The following KMT2D variants were observed in gnomAD, a reference collection of about 807,000 sequenced individuals.
KMT2D encodes the protein lysine methyltransferase 2D, also known as histone-lysine N-methyltransferase 2D.
In KMT2D, 55 loss-of-function variants were observed where a neutral mutation model predicts 512.7. The ratio of observed to expected loss-of-function variants is 0.11; its 90% CI spans 0.09 to 0.13. The LOEUF (loss-of-function observed/expected upper bound fraction) is 0.13, where lower values mean the gene tolerates loss of function less well. Among genes scored for constraint, KMT2D ranks in the 10% least tolerant of loss-of-function variants. The probability of loss-of-function intolerance (pLI) is 1.00; values close to 1 mark genes in which losing one functional copy is unlikely to be tolerated. For synonymous variants in KMT2D, 2,995 were observed against 2,904.0 expected, an observed-to-expected ratio of 1.03 and a Z score of -1.01; for missense variants, 6,061 against 7,127.9, an observed-to-expected ratio of 0.85 and a Z score of 5.39.
rs776217418 is a variant in KMT2D, at chr12:49,055,344, G to C, written c.-20C>G. The C allele has an allele frequency of 1.1e-4, 174 of 1,612,630 alleles. No homozygotes were observed. The highest frequency in any genetic ancestry group is 1.4e-4 in the Non-Finnish European group (168 of 1,178,904). On this transcript the variant is annotated 5_prime_UTR_variant, in exon 2 of 55. Transcript: ENST00000301067. ...GTCCATCCCTCTCTCCGACTGGGCA[G>C]GGCCCTCTCGGGGAGACCTGTTGGT...
Position 49,053,609 on chromosome 12 carries a change from C to T in KMT2D, c.706G>A (p.Gly236Arg), listed in dbSNP as rs1362838443. 1 of 1,597,476 alleles carries T rather than the reference C, an allele frequency of 6.3e-7. No homozygotes were observed. Among genetic ancestry groups the T allele is most frequent in the Non-Finnish European group, 8.5e-7 (1 of 1,172,448 alleles). The change falls in exon 7 of 55, where the codon GGG (glycine) becomes AGG (arginine). Residue 236 changes from glycine to arginine, a missense_variant. Transcript: ENST00000301067. Reference sequence around the variant, plus strand: ...CAGAAGAACAGGTCACACAACTCCCCTGGCCCCTCACACACTGCACAGCGA... The same window carrying T: ...CAGAAGAACAGGTCACACAACTCCCTTGGCCCCTCACACACTGCACAGCGA... ...EARCAVCEGP[G>R]ELCDLFFCTS... is the part of the protein sequence containing the mutation.
chr12:49,048,386 G>A (rs1012838244), intron 14 of KMT2D, among the ~76,000 whole-genome samples: 3 of 152,368 alleles, frequency 2.0e-5, no homozygotes, highest in African/African-American at 4.8e-5. Context: ...TTATTCAAGT[G>A]AGGACACATG....
chr12:49,049,248 G>C (rs1208290589), intron 12 of KMT2D, 30 bp from the exon 13 acceptor site: 18 of 1,371,502 alleles, frequency 1.3e-5, no homozygotes, highest in Admixed American at 1.9e-5. Flanking sequence ...AATGACAGGA[G>C]CATGTCAAGG....
Position 49,019,630 on chromosome 12 carries a change from T to C in KMT2D, c.*2150A>G, listed in dbSNP as rs1942205237. Reference sequence around the variant, plus strand: ...TCACGGGAGCCAATCTCCCCCTCCCTGTAGCCTAGACCTTCTGCTCTCGGA... The same window carrying C: ...TCACGGGAGCCAATCTCCCCCTCCCCGTAGCCTAGACCTTCTGCTCTCGGA... On this transcript the variant is annotated 3_prime_UTR_variant, in exon 55 of 55. Coordinates refer to ENST00000301067, the MANE Select transcript of KMT2D (RefSeq NM_003482.4). 2 of 229,874 alleles carry C rather than the reference T, an allele frequency of 8.7e-6. No homozygotes were observed. Among genetic ancestry groups the C allele is most frequent in the Non-Finnish European group, 1.7e-5 (2 of 115,742 alleles). The allele number at this position is 229,874 out of a possible 1,614,324, so 14.2% of individuals were successfully genotyped here.
chr12:49,040,264 T>C lies in KMT2D; in HGVS notation c.7506A>G (p.Pro2502=). The C allele has an allele frequency of 6.2e-7, 1 of 1,611,252 alleles. No homozygotes were observed. The highest frequency in any genetic ancestry group is 2.2e-5 in the East Asian group (1 of 44,826). Reference sequence around the variant, plus strand: ...GGACCTTGGCATGGAGCTCACCTGCTGGCCCCGCGGGCAGGGCTGCTGGGA... The same window carrying C: ...GGACCTTGGCATGGAGCTCACCTGCCGGCCCCGCGGGCAGGGCTGCTGGGA... ...GGFPAALPAG[P]AGELHAKVPS... is the part of the protein sequence containing the mutation. The change falls in exon 32 of 55, where the codon CCA becomes CCG. Residue 2502 remains proline, a synonymous_variant. Transcript: ENST00000301067.
Position 49,019,811 on chromosome 12 carries a change from C to G in KMT2D, c.*1969G>C. ...GGAAGCAGCTTTAAAAAAAAAAAATCTCCCTACCCCCAACAATCCACAACC... is the reference window on the plus strand; with the variant it reads ...GGAAGCAGCTTTAAAAAAAAAAAATGTCCCTACCCCCAACAATCCACAACC... On this transcript the variant is annotated 3_prime_UTR_variant, in exon 55 of 55. Transcript: ENST00000301067. The G allele has an allele frequency of 4.6e-6, 1 of 215,668 alleles. No individual in the cohort carries two copies. 13.4% of individuals were successfully genotyped at this position (215,668 alleles called of 1,614,324 possible).
intron 14 of KMT2D, 98 bp downstream of exon 14, chr12:49,048,561 G>T: frequency 1.4e-6 from 1 of 721,690 alleles, no homozygotes; most frequent in Non-Finnish European, 2.4e-6. Flanking sequence ...TTTCTCATTA[G>T]CTGGGTATCC....
rs2120364655 is a variant in KMT2D at position 49,026,919 on chromosome 12, A to G, written c.15047T>C (p.Leu5016Pro). ...CTTGTCAGGTCGCAAGGCTGTGCCA[A>G]GCTGCTCCATAAACTCTGCCACTTC... ...EREVAEFMEQ[L>P]GTALRPDKVP... is the part of the protein sequence containing the mutation. Residue 5016 changes from leucine (L) to proline (P), a missense_variant, in exon 49 of 55, where the codon CTT becomes CCT. By Grantham distance (98) the Leu-to-Pro change is moderately conservative. Coordinates refer to ENST00000301067, the MANE Select transcript of KMT2D (RefSeq NM_003482.4). This position sits in a 1 kb window ranked among gnomAD's most constrained non-coding sequence, Gnocchi z 9.6. The G allele has an allele frequency of 6.2e-7, 1 of 1,614,038 alleles. No individual in the cohort carries two copies. Among genetic ancestry groups the G allele is most frequent in the Non-Finnish European group, 8.5e-7 (1 of 1,179,908 alleles).
In KMT2D at chr12:49,021,583, A is replaced by T. The variant is rs531685313; in HGVS notation, c.*197T>A. 3.6e-6 allele frequency: 2 copies of T among 562,016 alleles called. No individual in the cohort carries two copies. The highest frequency in any genetic ancestry group is 5.8e-5 in the East Asian group (2 of 34,740). 34.8% of individuals were successfully genotyped at this position (562,016 alleles called of 1,614,324 possible). A position where few individuals can be genotyped will look rare whatever the true frequency, so the allele number is the denominator to read the frequency against. On this transcript the variant is annotated 3_prime_UTR_variant, in exon 55 of 55. Transcript: ENST00000301067. Reference sequence around the variant, plus strand: ...GCCAGCCTGAGGGCCGGTGGTGGGGAAGAGGATTGTCCCTGGTGCCCAGGG... The same window carrying T: ...GCCAGCCTGAGGGCCGGTGGTGGGGTAGAGGATTGTCCCTGGTGCCCAGGG...
In KMT2D at chr12:49,033,201, A is replaced by G. The variant is rs1943042451; in HGVS notation, c.11504T>C (p.Leu3835Pro). ...RQVLMTQSRV[L>P]SSPQLAQQGQ... ...CTGCTGTGCCAGCTGGGGGGAACTG[A>G]GCACCCGGGACTGGGTCATAAGCAC... The change falls in exon 40 of 55, where the codon CTC (leucine) becomes CCC (proline). Residue 3835 changes from leucine (L) to proline (P), a missense_variant. Leu to Pro is a moderately conservative substitution (Grantham distance 98, BLOSUM62 -3). This residue lies in a region of KMT2D where 1,600 missense variants were observed against 1,754.9 expected (regional missense o/e 0.91). Coordinates refer to ENST00000301067, the MANE Select transcript of KMT2D (RefSeq NM_003482.4). 1.3e-6 allele frequency: 2 copies of G among 1,550,288 alleles called. No individual in the cohort carries two copies. Among genetic ancestry groups the G allele is most frequent in the Non-Finnish European group, 1.7e-6 (2 of 1,146,262 alleles).
In KMT2D at chr12:49,040,665, A is replaced by C. The variant is rs1408773345; in HGVS notation, c.7105T>G (p.Phe2369Val). 3 of 1,613,644 alleles carry C rather than the reference A, an allele frequency of 1.9e-6. No individual in the cohort carries two copies. In the South Asian group the frequency reaches 3.3e-5, roughly 18 times the overall value. ...APSPPSHPDIFRPGSYTDPYA... is the reference protein window; with the variant it reads ...APSPPSHPDIVRPGSYTDPYA... ...GGGTCAGTGTAGGAGCCAGGGCGAA[A>C]GATGTCTGGGTGACTTGGAGGAGAA... The change falls in exon 32 of 55, where the codon TTT becomes GTT. Residue 2369 changes from phenylalanine (F) to valine (V), a missense_variant. By Grantham distance (50) the Phe-to-Val change is conservative. Coordinates refer to ENST00000301067, the MANE Select transcript of KMT2D (RefSeq NM_003482.4).
chr12:49,032,126 C>A lies in KMT2D; in HGVS notation c.12579G>T (p.Thr4193=). 6.2e-7 allele frequency: 1 copy of A among 1,613,792 alleles called. No individual in the cohort carries two copies. The highest frequency in any genetic ancestry group is 8.5e-7 in the Non-Finnish European group (1 of 1,179,804). The change falls in exon 40 of 55, where the codon ACG becomes ACT. Residue 4193 remains threonine (T), a synonymous_variant. Coordinates refer to ENST00000301067, the MANE Select transcript of KMT2D (RefSeq NM_003482.4). ...QGLPGVGIMP[T]VGQLRAQLQG... ...GGAGCTGTGCTCGAAGCTGACCCACCGTAGGCATGATTCCAACCCCAGGCA... is the reference window on the plus strand; with the variant it reads ...GGAGCTGTGCTCGAAGCTGACCCACAGTAGGCATGATTCCAACCCCAGGCA...
rs1266054865 is a variant in KMT2D, at chr12:49,038,018, G to A, written c.9338C>T (p.Ser3113Phe). 4 of 1,607,854 alleles carry A rather than the reference G, an allele frequency of 2.5e-6. No individual in the cohort carries two copies. The highest frequency in any genetic ancestry group is 2.2e-5 in the South Asian group (2 of 90,246). ...AADASEPRLA[S>F]VLPEVKPKVE... ...CTTGGGCTTCACCTCAGGGAGCACA[G>A]ATGCCAGGCGGGGTTCAGAGGCATC... Residue 3113 changes from serine (S) to phenylalanine (F), a missense_variant, in exon 35 of 55, where the codon TCT becomes TTT. By Grantham distance (155) the Ser-to-Phe change is radical. Transcript: ENST00000301067. This position sits in a 1 kb window ranked among gnomAD's most constrained non-coding sequence, Gnocchi z 5.7.
Position 49,019,050 on chromosome 12 carries a change from T to A in KMT2D, c.*2730A>T, listed in dbSNP as rs531155841. 29 of 1,357,394 alleles carry A rather than the reference T, an allele frequency of 2.1e-5. No homozygotes were observed. In the African/African-American group the frequency reaches 4.3e-4, roughly 20 times the overall value. 84.1% of individuals were successfully genotyped at this position (1,357,394 alleles called of 1,614,324 possible). On this transcript the variant is annotated 3_prime_UTR_variant, in exon 55 of 55. Transcript: ENST00000301067. ...AGAAGCAAAATCCAAAACTTGCCCT[T>A]TGCCTCTCGCAACATAAATATGTAC... is the stretch of plus-strand genomic sequence containing the variant.
At chr12:49,027,986 A>G (rs752815940) in intron 47 of KMT2D, 23 bp downstream of exon 47, 331 of 1,613,188 alleles carry the variant, frequency 2.1e-4, no homozygotes, top group Non-Finnish European at 2.8e-4. Flanking sequence ...TCAAGTCCCA[A>G]AGGGCTTCCC....
Position 49,046,895 on chromosome 12 carries a change from G to A in KMT2D, c.4237-105C>T. 9.7e-7 allele frequency: 1 copy of A among 1,032,910 alleles called. No individual in the cohort carries two copies. The highest frequency in any genetic ancestry group is 1.6e-5 in the South Asian group (1 of 61,108). 64.0% of individuals were successfully genotyped at this position (1,032,910 alleles called of 1,614,324 possible). A position where few individuals can be genotyped will look rare whatever the true frequency, so the allele number is the denominator to read the frequency against. ...AGTTTTGCTCTTGTTCCCCAGGCTG[G>A]AGTGCAATGGCGCGATCTCGGCTCA... is the stretch of plus-strand genomic sequence containing the variant. On this transcript the variant is annotated intron_variant, in intron 15 of 54. Transcript: ENST00000301067. The surrounding 1 kb of genome is among the most constrained non-coding windows in gnomAD (Gnocchi z 4.2).
rs1317036103 is a variant in KMT2D, at chr12:49,044,502, A to G, written c.4984T>C (p.Cys1662Arg). ...KGEGGVEHME[C>R]EIKLEGPVSP... ...ACGGGGCCCTCCAGTTTAATTTCGC[A>G]CTCCATGTGCTCCACACCACCTGCG... The change falls in exon 21 of 55, where the codon TGC (cysteine) becomes CGC (arginine). Residue 1662 changes from cysteine (C) to arginine (R), a missense_variant. Around this residue, in one of 16 missense-constraint regions of KMT2D, gnomAD observed 640 missense variants for 814.3 expected, o/e 0.79. Transcript: ENST00000301067. The surrounding 1 kb of genome is among the most constrained non-coding windows in gnomAD (Gnocchi z 6.4). The G allele has an allele frequency of 6.2e-7, 1 of 1,613,532 alleles. No homozygotes were observed. Among genetic ancestry groups the G allele is most frequent in the African/African-American group, 1.3e-5 (1 of 74,838 alleles).
Position 49,020,067 on chromosome 12 carries a change from T to C in KMT2D, c.*1713A>G. On this transcript the variant is annotated 3_prime_UTR_variant, in exon 55 of 55. Coordinates refer to ENST00000301067, the MANE Select transcript of KMT2D (RefSeq NM_003482.4). ...CCCTACCAGAGAGGGGTTTGGGGCCTCACCCACCCCTTACCTACTCCCACC... is the reference window on the plus strand; with the variant it reads ...CCCTACCAGAGAGGGGTTTGGGGCCCCACCCACCCCTTACCTACTCCCACC... The C allele has an allele frequency of 5.0e-6, 1 of 199,974 alleles. No homozygotes were observed. Among genetic ancestry groups the C allele is most frequent in the Non-Finnish European group, 1.0e-5 (1 of 96,488 alleles). 12.4% of individuals were successfully genotyped at this position (199,974 alleles called of 1,614,324 possible).
chr12:49,030,537 C>T, intron 42 of KMT2D, 64 bp downstream of exon 42: 2 of 1,498,742 alleles, frequency 1.3e-6, no homozygotes, highest in South Asian at 2.7e-5. Context: ...CTCAAGTTTT[C>T]TATTCCCACC....
Sources: allele counts gnomAD v4.1 joint callset (sites outside exome capture counted in the v4.1 genomes callset), GRCh38; gene constraint gnomAD v4.1.1; regional missense constraint gnomAD v4.1.1; non-coding constraint Gnocchi (gnomAD v3.1); transcripts MANE v1.5; gene names NCBI Gene and HGNC (gene_info 2026-07-23, HGNC 2026-07-21).